Variants in CCSER1 observed in about 807,000 individuals in gnomAD.
CCSER1 encodes serine-rich coiled-coil domain-containing protein 1.
A neutral mutation model predicts 82.0 loss-of-function variants in CCSER1; 41 were observed. The observed-to-expected ratio is 0.50, with a 90% CI of 0.39 to 0.65. CCSER1 has a LOEUF of 0.65. Ranked by LOEUF, CCSER1 falls within the 30% of genes least tolerant of loss-of-function variation. The pLI, the probability that CCSER1 is intolerant of heterozygous loss-of-function variation, is 0.00. For missense variants in CCSER1, 1,119 were observed against 1,064.2 expected (o/e 1.05, Z -0.72); for synonymous variants, 414 against 383.9 (o/e 1.08, Z -0.92).
chr4:90,495,992 A>G (rs2153608352), intron 5 of CCSER1, among the ~76,000 whole-genome samples: 1 of 152,346 alleles, frequency 6.6e-6, no homozygotes, highest in East Asian at 1.9e-4. Flanking sequence ...GACTTTTGCA[A>G]AAATCTTTTT....
chr4:91,263,441 C>T (rs549290531), intron 10 of CCSER1, among the ~76,000 whole-genome samples: 4 of 151,810 alleles, frequency 2.6e-5, no homozygotes, highest in Non-Finnish European at 5.9e-5. Context: ...ATTGATTTTC[C>T]TAAATATATA....
chr4:90,367,449 A>G (rs887350784), intron 3 of CCSER1, among the ~76,000 whole-genome samples: 1 of 151,964 alleles, frequency 6.6e-6, no homozygotes, highest in Non-Finnish European at 1.5e-5. Flanking sequence ...TAGTGGTATC[A>G]TATGGAAAAC....
chr4:90,890,229 A>G (rs1176901176), intron 8 of CCSER1, among the ~76,000 whole-genome samples: 1 of 152,066 alleles, frequency 6.6e-6, no homozygotes, highest in Non-Finnish European at 1.5e-5. Flanking sequence ...CTGGATTCCG[A>G]TATTTGGTTT....
chr4:91,488,559 T>G (rs1386411617), intron 10 of CCSER1, among the ~76,000 whole-genome samples: 1 of 152,136 alleles, frequency 6.6e-6, no homozygotes, highest in Non-Finnish European at 1.5e-5. Flanking sequence ...CTTGCTGTTC[T>G]CAGGATAGTG....
intron 10 of CCSER1, among the ~76,000 whole-genome samples, chr4:91,501,662 A>G (rs1225343370): frequency 6.6e-6 from 1 of 151,800 alleles, no homozygotes; most frequent in Admixed American, 6.6e-5. Flanking sequence ...CTGTACCTAT[A>G]CTTCTGCTTT....
intron 3 of CCSER1, among the ~76,000 whole-genome samples, chr4:90,359,855 A>G (rs1744998741): frequency 6.7e-6 from 1 of 149,936 alleles, no homozygotes; most frequent in South Asian, 2.1e-4. Flanking sequence ...ATATGTGTGT[A>G]TATATATGTG....
chr4:91,049,053 G>A (rs1489240960), intron 9 of CCSER1, among the ~76,000 whole-genome samples: 2 of 152,048 alleles, frequency 1.3e-5, no homozygotes, highest in African/African-American at 4.8e-5. Context: ...GACCTTAGGT[G>A]CACACAACAG....
At chr4:90,630,138 A>AT (rs35744799) in intron 6 of CCSER1, among the ~76,000 whole-genome samples, 73,222 of 151,974 alleles carry the variant, frequency 0.48, 21,024 homozygotes, top group African/African-American at 0.81. Context: ...TAACTGTATG[A>AT]TTCTATACTG....
At chr4:91,397,548 C>G (rs1193498222) in intron 10 of CCSER1, among the ~76,000 whole-genome samples, 1 of 151,842 alleles carries the variant, frequency 6.6e-6, no homozygotes, top group African/African-American at 2.4e-5. Context: ...ACTTATTTGT[C>G]TAGTTATCTA....
intron 1 of CCSER1, among the ~76,000 whole-genome samples, chr4:90,176,637 C>G (rs1732739649): frequency 6.6e-6 from 1 of 151,920 alleles, no homozygotes; most frequent in Admixed American, 6.6e-5. Flanking sequence ...TTTGGACCAC[C>G]TGTCGATATC....
chr4:91,133,017 A>C (rs1728138357), intron 10 of CCSER1, among the ~76,000 whole-genome samples: 1 of 152,214 alleles, frequency 6.6e-6, no homozygotes, highest in South Asian at 2.1e-4. Context: ...GTTTGAAACA[A>C]ATTCATTAGC....
chr4:90,764,216 G>C (rs1650455911), intron 7 of CCSER1, among the ~76,000 whole-genome samples: 1 of 152,094 alleles, frequency 6.6e-6, no homozygotes, highest in African/African-American at 2.4e-5. Context: ...GAGCAAGCTT[G>C]CACTTAACAC....
Position 91,598,516 on chromosome 4 carries a change from G to T in CCSER1, c.2218-56G>T. 12 of 1,472,118 alleles carry T rather than the reference G, an allele frequency of 8.2e-6. No homozygotes were observed. The South Asian group carries it at 1.4e-4, about 17-fold the overall frequency. The allele number at this position is 1,472,118 out of a possible 1,614,324, so 91.2% of individuals were successfully genotyped here. ...GTATAAATATCACTCTGTATTGTAT[G>T]TATGCTATGAAAGTGTTTTTTTAAG... On this transcript the variant is annotated intron_variant, in intron 10 of 10. Coordinates refer to ENST00000509176, the MANE Select transcript of CCSER1 (RefSeq NM_001145065.2).
chr4:90,313,916 A>G (rs1284963680), intron 3 of CCSER1, among the ~76,000 whole-genome samples: 1 of 152,250 alleles, frequency 6.6e-6, no homozygotes, highest in Admixed American at 6.5e-5. Flanking sequence ...CTACCTACCT[A>G]TCCATGCATA....
intron 10 of CCSER1, among the ~76,000 whole-genome samples, chr4:91,271,035 G>A (rs1741987783): frequency 6.6e-6 from 1 of 152,032 alleles, no homozygotes; most frequent in Admixed American, 6.6e-5. Flanking sequence ...TGTCTTGCAT[G>A]AATAAGTTCT....
intron 10 of CCSER1, among the ~76,000 whole-genome samples, chr4:91,160,419 C>G (rs1731268771): frequency 6.6e-6 from 1 of 152,128 alleles, no homozygotes. Context: ...CAGGCAATGA[C>G]ATGGCTGGGT....
At chr4:90,727,180 C>G (rs1743807169) in intron 7 of CCSER1, 1 of 453,502 alleles carries the variant, frequency 2.2e-6, no homozygotes. Context: ...TGTATAACCT[C>G]TAGTTTTTGT....
At chr4:90,200,749 G>A (rs7676382) in intron 1 of CCSER1, among the ~76,000 whole-genome samples, 91,773 of 151,298 alleles carry the variant, frequency 0.61, 29,324 homozygotes, top group East Asian at 0.83. Context: ...TATACATAAT[G>A]TATATATTAT....
At chr4:90,144,294 AT>A (rs1725402134) in intron 1 of CCSER1, among the ~76,000 whole-genome samples, 4 of 149,636 alleles carry the variant, frequency 2.7e-5, no homozygotes, top group African/African-American at 9.8e-5. Flanking sequence ...GTGTGCTGCT[AT>A]TCATTGGATT....
Sources: allele counts gnomAD v4.1 joint callset (sites outside exome capture counted in the v4.1 genomes callset), GRCh38; gene constraint gnomAD v4.1.1; transcripts MANE v1.5; gene names NCBI Gene and HGNC (gene_info 2026-07-23, HGNC 2026-07-21).